EPB41L4A: variants seen among roughly 807,000 people sequenced by gnomAD.
EPB41L4A encodes band 4.1-like protein 4A.
In EPB41L4A, 100 loss-of-function variants were observed where a neutral mutation model predicts 108.6. The ratio of observed to expected loss-of-function variants is 0.92; its 90% CI spans 0.78 to 1.09. EPB41L4A has a LOEUF of 1.09. EPB41L4A is among the 50% of genes least tolerant of loss of function. The pLI, the probability that EPB41L4A is intolerant of heterozygous loss-of-function variation, is 0.00. For synonymous variants in EPB41L4A, 319 were observed against 289.0 expected (o/e 1.10, Z -1.05); for missense variants, 1,030 against 842.7 (o/e 1.22, Z -2.75).
rs1761806445 is a variant in EPB41L4A at position 112,193,439 on chromosome 5, T to A, written c.1502+1129A>T. ...GCCTCTGCCTCCTGAGTAGCTGGGA[T>A]TACAGGCATGTGCCACCACGCCCAG... is the stretch of plus-strand genomic sequence containing the variant. On this transcript the variant is annotated intron_variant, in intron 17 of 22. Transcript: ENST00000261486. Among the ~76,000 whole-genome samples the A allele has an allele frequency of 3.3e-5, 5 of 152,168 alleles. No homozygotes were observed. The South Asian group carries it at 1.0e-3, about 32-fold the overall frequency.
At chr5:112,215,423 A>G (rs572672200) in intron 12 of EPB41L4A, among the ~76,000 whole-genome samples, 1 of 152,358 alleles carries the variant, frequency 6.6e-6, no homozygotes, top group South Asian at 2.1e-4. Context: ...GCCACTTAGA[A>G]TTAATCAAGA....
rs369055745 is a variant in EPB41L4A, at chr5:112,419,043, G to C, written c.-4C>G. 18 of 1,611,628 alleles carry C rather than the reference G, an allele frequency of 1.1e-5. No homozygotes were observed. The highest frequency in any genetic ancestry group is 1.3e-5 in the African/African-American group (1 of 74,908). On this transcript the variant is annotated 5_prime_UTR_variant, in exon 1 of 23. Transcript: ENST00000261486. Reference sequence around the variant, plus strand: ...GAACAGCGCAGAAACAGCCCATGTCGGTTGTGGTCGTCTCCAGCCAGGAGA... The same window carrying C: ...GAACAGCGCAGAAACAGCCCATGTCCGTTGTGGTCGTCTCCAGCCAGGAGA...
At chr5:112,275,233 T>A (rs1752544833) in intron 4 of EPB41L4A, 93 bp downstream of exon 4, 2 of 1,417,408 alleles carry the variant, frequency 1.4e-6, no homozygotes, top group Non-Finnish European at 9.4e-7. Flanking sequence ...TAGACACACA[T>A]CCAAACGTTT....
chr5:112,415,283 T>C (rs2112836065), intron 1 of EPB41L4A, among the ~76,000 whole-genome samples: 1 of 152,220 alleles, frequency 6.6e-6, no homozygotes, highest in South Asian at 2.1e-4. Context: ...AGTTAATGGA[T>C]GAACTATACA....
intron 4 of EPB41L4A, among the ~76,000 whole-genome samples, chr5:112,271,773 A>G (rs185547227): frequency 7.2e-5 from 11 of 152,378 alleles, no homozygotes; most frequent in South Asian, 2.1e-4. Flanking sequence ...TTTATTCTGC[A>G]TAGACCATCA....
At chr5:112,381,672 G>C (rs368614668) in intron 1 of EPB41L4A, among the ~76,000 whole-genome samples, 22 of 152,370 alleles carry the variant, frequency 1.4e-4, no homozygotes, top group African/African-American at 5.3e-4. Flanking sequence ...AACGACAAAG[G>C]TCAAGTCCTG....
rs1282119624 is a variant in EPB41L4A, at chr5:112,194,618, A to T, written c.1452T>A (p.Ser484Arg). ...TATTAGAATTTTCTGATTCACTACC[A>T]CTGCTGGTGTTACAGCGTGAACGTG... ...RRSRSRCNTS[S>R]GSESENSNRE... The change falls in exon 17 of 23, where the codon AGT becomes AGA. Residue 484 changes from serine (S) to arginine (R), a missense_variant. Transcript: ENST00000261486. 6.2e-7 allele frequency: 1 copy of T among 1,607,234 alleles called. No individual in the cohort carries two copies. The highest frequency in any genetic ancestry group is 8.5e-7 in the Non-Finnish European group (1 of 1,176,790).
At chr5:112,258,767 C>G (rs1425158972) in intron 9 of EPB41L4A, among the ~76,000 whole-genome samples, 1 of 152,162 alleles carries the variant, frequency 6.6e-6, no homozygotes, top group Non-Finnish European at 1.5e-5. Flanking sequence ...TTGAAAGCAT[C>G]CAGAATTTCC....
chr5:112,363,470 C>T lies in EPB41L4A; in HGVS notation c.99+55471G>A, dbSNP rs1758910525. 1.3e-5 allele frequency: 2 copies of T among 151,812 alleles called. 1 individual carries two copies. The highest frequency in any genetic ancestry group is 3.9e-4 in the East Asian group (2 of 5,166). The allele number at this position is 151,812 out of a possible 1,614,324, so 9.4% of individuals were successfully genotyped here. On this transcript the variant is annotated intron_variant, in intron 1 of 22. Transcript: ENST00000261486. Reference sequence around the variant, plus strand: ...GGCAGGATAGGTATCTTGTTTTCACCTTCCAGTTCTTCCACCTCAGTCTGT... The same window carrying T: ...GGCAGGATAGGTATCTTGTTTTCACTTTCCAGTTCTTCCACCTCAGTCTGT...
chr5:112,231,472 T>C (rs1180811791), intron 12 of EPB41L4A, among the ~76,000 whole-genome samples: 1 of 152,184 alleles, frequency 6.6e-6, no homozygotes, highest in Non-Finnish European at 1.5e-5. Context: ...AATAAAAGCA[T>C]AATACATTCC....
Position 112,164,848 on chromosome 5 carries a change from A to G in EPB41L4A, c.*142T>C. On this transcript the variant is annotated 3_prime_UTR_variant, in exon 23 of 23. Transcript: ENST00000261486. ...TAACATCTCAAAAAAAAAAAAAAAA[A>G]GAAGCAAAAGATAATGTATTTTCTC... 4.4e-6 allele frequency: 4 copies of G among 911,824 alleles called. No homozygotes were observed. Among genetic ancestry groups the G allele is most frequent in the East Asian group, 5.9e-5 (2 of 33,732 alleles). 56.5% of individuals were successfully genotyped at this position (911,824 alleles called of 1,614,324 possible). A position where few individuals can be genotyped will look rare whatever the true frequency, so the allele number is the denominator to read the frequency against.
intron 21 of EPB41L4A, 25 bp downstream of exon 21, chr5:112,168,970 G>A (rs1422797302): frequency 1.9e-6 from 3 of 1,555,494 alleles, no homozygotes; most frequent in African/African-American, 1.4e-5. Context: ...TGATGGTGAT[G>A]GTGTACTCTG....
chr5:112,249,213 A>G (rs1339370850), intron 9 of EPB41L4A: 1 of 152,216 alleles, frequency 6.6e-6, no homozygotes, highest in African/African-American at 2.4e-5. Context: ...TTACAAGTCT[A>G]AAGTACTGTG....
At chr5:112,160,798 C>A (rs192366010), downstream of EPB41L4A, 305 of 156,200 alleles carry the variant, frequency 2.0e-3, 1 homozygote, top group African/African-American at 6.6e-3. Flanking sequence ...CAGCCCGCTC[C>A]CCCCTCGCGC....
intron 18 of EPB41L4A, among the ~76,000 whole-genome samples, chr5:112,172,759 G>A (rs754315353): frequency 1.3e-5 from 2 of 152,206 alleles, no homozygotes; most frequent in Non-Finnish European, 2.9e-5. Context: ...TCAACCAAGA[G>A]TCTGAAGTAT....
chr5:112,314,821 A>G (rs1198560072), intron 1 of EPB41L4A, among the ~76,000 whole-genome samples: 1 of 152,130 alleles, frequency 6.6e-6, no homozygotes, highest in African/African-American at 2.4e-5. Flanking sequence ...CATGCAAATG[A>G]TATTAATGCC....
intron 4 of EPB41L4A, among the ~76,000 whole-genome samples, chr5:112,267,107 T>A (rs1245120585): frequency 2.6e-5 from 4 of 152,172 alleles, no homozygotes; most frequent in Non-Finnish European, 5.9e-5. Context: ...TTAGTTTTAT[T>A]TTTTTTCTTA....
intron 4 of EPB41L4A, among the ~76,000 whole-genome samples, chr5:112,268,173 G>A (rs996894912): frequency 1.3e-5 from 2 of 152,224 alleles, no homozygotes; most frequent in African/African-American, 2.4e-5. Flanking sequence ...CCTGAGATCA[G>A]GAGTTCAACA....
At chr5:112,178,897 C>A (rs1023128448) in intron 18 of EPB41L4A, among the ~76,000 whole-genome samples, 1 of 151,212 alleles carries the variant, frequency 6.6e-6, no homozygotes, top group African/African-American at 2.4e-5. Flanking sequence ...ATAAAAAGTA[C>A]AGTCAATGAA....
Sources: gnomAD v4.1 joint callset for allele counts (sites outside exome capture counted in the v4.1 genomes callset) on GRCh38, gnomAD v4.1.1 for gene constraint, MANE v1.5 for transcripts, NCBI Gene and HGNC (gene_info 2026-07-23, HGNC 2026-07-21) for gene names.